Variants in RSF1 observed in about 807,000 individuals in gnomAD.
The protein encoded by RSF1 is remodeling and spacing factor 1.
In RSF1, 13 loss-of-function variants were observed where a neutral mutation model predicts 145.2. That is an observed-to-expected ratio of 0.09 (90% CI 0.06 to 0.14). The LOEUF is 0.14. RSF1 is among the 10% of genes least tolerant of loss of function. The pLI is 1.00. For synonymous variants in RSF1, 577 were observed against 592.6 expected, an observed-to-expected ratio of 0.97 and a Z score of 0.38; for missense variants, 1,517 against 1,718.2, an observed-to-expected ratio of 0.88 and a Z score of 2.07.
chr11:77,686,117 A>G (rs1318231308), intron 9 of RSF1, among the ~76,000 whole-genome samples: 2 of 152,260 alleles, frequency 1.3e-5, no homozygotes, highest in Non-Finnish European at 2.9e-5. Context: ...ATTAAATTAC[A>G]TATTAAAAAA....
Position 77,775,774 on chromosome 11 carries a change from G to T in RSF1, c.188-11085C>A, listed in dbSNP as rs181641030. The stretch of plus-strand genomic sequence containing the variant: ...ATAGTGAGACCCTGTTTCTTTGTTT[G>T]TTTGTTTGTTTAAACACAGAGTCTT... On this transcript the variant is annotated intron_variant, in intron 1 of 15. Coordinates refer to ENST00000308488, the MANE Select transcript of RSF1 (RefSeq NM_016578.4). Among the ~76,000 whole-genome samples the T allele has an allele frequency of 2.6e-5, 4 of 152,158 alleles. No individual in the cohort carries two copies. The East Asian group carries it at 5.8e-4, about 22-fold the overall frequency.
At chr11:77,841,548 G>A in the RSF1 span, among the ~76,000 whole-genome samples, 5 of 152,126 alleles carry the variant, frequency 3.3e-5, no homozygotes, top group Admixed American at 1.3e-4. Flanking sequence ...AAGTCCAGCT[G>A]TTGTATGTCT....
intron 2 of RSF1, among the ~76,000 whole-genome samples, chr11:77,757,611 G>A (rs952856451): frequency 6.6e-6 from 1 of 152,180 alleles, no homozygotes; most frequent in East Asian, 1.9e-4. Flanking sequence ...CCGGGAAGCG[G>A]AGGTTGCAGT....
chr11:77,739,999 A>G (rs537345535), intron 4 of RSF1, among the ~76,000 whole-genome samples: 2 of 152,392 alleles, frequency 1.3e-5, no homozygotes, highest in Admixed American at 1.3e-4. Flanking sequence ...AAAGAAATGT[A>G]TGCACAGCAA....
chr11:77,872,184 T>G, the RSF1 span: 3 of 1,612,792 alleles, frequency 1.9e-6, no homozygotes, highest in African/African-American at 2.7e-5. Context: ...GGTGCCTTCA[T>G]CAACTGTGGA....
In RSF1 at chr11:77,663,995, A is replaced by G. The variant is rs1446017597; in HGVS notation, c.*2922T>C. ...CTAAATCCATGGTTAGTGCTCTAAA[A>G]AAGATCCAAGACTGTCTAAACTCTA... On this transcript the variant is annotated 3_prime_UTR_variant, in exon 16 of 16. Coordinates refer to ENST00000308488, the MANE Select transcript of RSF1 (RefSeq NM_016578.4). The G allele has an allele frequency of 6.6e-6, 1 of 152,212 alleles. No individual in the cohort carries two copies. Among genetic ancestry groups the G allele is most frequent in the East Asian group, 1.9e-4 (1 of 5,196 alleles). The allele number at this position is 152,212 out of a possible 1,614,324, so 9.4% of individuals were successfully genotyped here.
intron 5 of RSF1, among the ~76,000 whole-genome samples, chr11:77,704,288 G>A (rs1960491671): frequency 6.6e-6 from 1 of 152,018 alleles, no homozygotes; most frequent in African/African-American, 2.4e-5. Context: ...TTCCAGCCTG[G>A]GTGACAGAGT....
chr11:77,726,597 A>G (rs2135888260), intron 4 of RSF1, among the ~76,000 whole-genome samples: 1 of 152,344 alleles, frequency 6.6e-6, no homozygotes, highest in Non-Finnish European at 1.5e-5. Flanking sequence ...CAGACAGTGC[A>G]TAATGCTGAA....
chr11:77,737,576 A>G (rs896487204), intron 4 of RSF1, among the ~76,000 whole-genome samples: 1 of 151,850 alleles, frequency 6.6e-6, no homozygotes, highest in East Asian at 1.9e-4. Context: ...TTGTTTATCA[A>G]AAACAAATTT....
chr11:77,772,684 A>C (rs1948298795), intron 1 of RSF1, among the ~76,000 whole-genome samples: 1 of 152,080 alleles, frequency 6.6e-6, no homozygotes, highest in Non-Finnish European at 1.5e-5. Context: ...TCTAATATTC[A>C]ATGTCTATGT....
intron 5 of RSF1, among the ~76,000 whole-genome samples, chr11:77,707,360 T>C (rs2135861966): frequency 6.6e-6 from 1 of 152,312 alleles, no homozygotes; most frequent in Non-Finnish European, 1.5e-5. Flanking sequence ...AATATTTAAT[T>C]AAAAATTCTA....
At chr11:77,684,294 A>G (rs945883133) in intron 10 of RSF1, among the ~76,000 whole-genome samples, 3 of 152,238 alleles carry the variant, frequency 2.0e-5, no homozygotes, top group African/African-American at 7.2e-5. Context: ...TGTAAATTAC[A>G]AAACCACATT....
intron 11 of RSF1, among the ~76,000 whole-genome samples, chr11:77,680,183 G>A (rs1225020927): frequency 6.6e-6 from 1 of 152,104 alleles, no homozygotes; most frequent in East Asian, 1.9e-4. Context: ...CAGTGGCTCA[G>A]CACTCTTGGG....
Position 77,664,692 on chromosome 11 carries a change from T to A in RSF1, c.*2225A>T, listed in dbSNP as rs1320758621. ...ACTGGGTGGCAGGAAAGGGCACTTG[T>A]ATATTCAAACCACTTACCTTGCACT... On this transcript the variant is annotated 3_prime_UTR_variant, in exon 16 of 16. Coordinates refer to ENST00000308488, the MANE Select transcript of RSF1 (RefSeq NM_016578.4). The A allele has an allele frequency of 2.0e-5, 3 of 152,224 alleles. No homozygotes were observed. Among genetic ancestry groups the A allele is most frequent in the African/African-American group, 7.2e-5 (3 of 41,460 alleles). 9.4% of individuals were successfully genotyped at this position (152,224 alleles called of 1,614,324 possible).
intron 4 of RSF1, among the ~76,000 whole-genome samples, chr11:77,732,082 G>T (rs923130002): frequency 6.6e-6 from 1 of 152,332 alleles, no homozygotes; most frequent in Non-Finnish European, 1.5e-5. Flanking sequence ...AAAACAGCCA[G>T]GAGGGAGGCT....
chr11:77,820,411 A>T, intron 1 of RSF1, 117 bp downstream of exon 1: 2 of 1,097,728 alleles, frequency 1.8e-6, no homozygotes, highest in East Asian at 2.6e-5. Flanking sequence ...GTTGCGTCCC[A>T]GGGGGAAGAC....
chr11:77,687,171 A>G (rs1960031835), intron 9 of RSF1, among the ~76,000 whole-genome samples: 1 of 152,204 alleles, frequency 6.6e-6, no homozygotes, highest in Non-Finnish European at 1.5e-5. Context: ...ATGTGTGTGT[A>G]TACATGCACA....
At chr11:77,787,715 G>A (rs187671940) in intron 1 of RSF1, among the ~76,000 whole-genome samples, 4 of 151,348 alleles carry the variant, frequency 2.6e-5, no homozygotes, top group African/African-American at 7.3e-5. Flanking sequence ...TCATAATGCA[G>A]AACAAATATC....
intron 6 of RSF1, among the ~76,000 whole-genome samples, chr11:77,700,266 G>T (rs139114633): frequency 1.7e-3 from 245 of 141,792 alleles, no homozygotes; most frequent in African/African-American, 6.1e-3. Flanking sequence ...CAAGAGAATC[G>T]CTTGAACCAG....
Sources: gnomAD v4.1 joint callset for allele counts (sites outside exome capture counted in the v4.1 genomes callset) on GRCh38, gnomAD v4.1.1 for gene constraint, MANE v1.5 for transcripts, NCBI Gene and HGNC (gene_info 2026-07-23, HGNC 2026-07-21) for gene names.